PGCKA1: variants seen among roughly 807,000 people sequenced by gnomAD.
The protein encoded by PGCKA1 is PDCD10 and GCKIII kinases-associated protein 1.
At chr4:37,564,593 G>A in the PGCKA1 span, among the ~76,000 whole-genome samples, 1 of 151,918 alleles carries the variant, frequency 6.6e-6, no homozygotes, top group Non-Finnish European at 1.5e-5. Flanking sequence ...TGTAACCTCC[G>A]CCTCTTGGAT....
At chr4:37,557,317 G>C in the PGCKA1 span, among the ~76,000 whole-genome samples, 1 of 152,146 alleles carries the variant, frequency 6.6e-6, no homozygotes, top group Non-Finnish European at 1.5e-5. Flanking sequence ...CATCAGAGAA[G>C]AGGCACATTG....
the PGCKA1 span, chr4:37,590,156 A>G: frequency 1.2e-6 from 2 of 1,614,214 alleles, no homozygotes; most frequent in African/African-American, 1.3e-5. Context: ...TGCAAGCTAG[A>G]TGAAGACGAC....
the PGCKA1 span, among the ~76,000 whole-genome samples, chr4:37,485,901 G>T: frequency 0.99 from 150,017 of 152,286 alleles, 73,934 homozygotes; most frequent in Middle Eastern, 1. Context: ...CCTGAACTTG[G>T]TAGGCATGGG....
chr4:37,474,439 G>T, the PGCKA1 span, among the ~76,000 whole-genome samples: 1 of 152,080 alleles, frequency 6.6e-6, no homozygotes, highest in Non-Finnish European at 1.5e-5. Context: ...ACTTGTCAAC[G>T]TTGCCTCTCT....
the PGCKA1 span, among the ~76,000 whole-genome samples, chr4:37,587,691 C>T: frequency 6.6e-6 from 1 of 152,068 alleles, no homozygotes; most frequent in Non-Finnish European, 1.5e-5. Flanking sequence ...GCTGTAGGCC[C>T]GTCACAGTGG....
chr4:37,488,038 T>C, the PGCKA1 span, among the ~76,000 whole-genome samples: 6 of 152,304 alleles, frequency 3.9e-5, no homozygotes, highest in South Asian at 1.0e-3. Context: ...ATGTGCACTT[T>C]TGTGTAAATA....
chr4:37,532,015 T>C, the PGCKA1 span, among the ~76,000 whole-genome samples: 1 of 151,856 alleles, frequency 6.6e-6, no homozygotes, highest in African/African-American at 2.4e-5. Flanking sequence ...GTTGTGGAAA[T>C]ACTATGTAAT....
At chr4:37,593,426 CT>C in the PGCKA1 span, among the ~76,000 whole-genome samples, 1 of 152,174 alleles carries the variant, frequency 6.6e-6, no homozygotes, top group Non-Finnish European at 1.5e-5. Context: ...CTCAAGATCA[CT>C]TTGTAGTCCA....
the PGCKA1 span, among the ~76,000 whole-genome samples, chr4:37,553,404 C>CT: frequency 6.7e-4 from 92 of 137,444 alleles, no homozygotes; most frequent in Middle Eastern, 3.8e-3. Flanking sequence ...TTGTTAGTTT[C>CT]ATCTTAGAAG....
the PGCKA1 span, among the ~76,000 whole-genome samples, chr4:37,536,377 T>A: frequency 1.7e-4 from 7 of 42,004 alleles, no homozygotes; most frequent in East Asian, 2.4e-3. Flanking sequence ...AACAACAAAC[T>A]TTTTTTTTTA....
At chr4:37,572,131 C>T in the PGCKA1 span, among the ~76,000 whole-genome samples, 2 of 134,720 alleles carry the variant, frequency 1.5e-5, no homozygotes, top group South Asian at 4.9e-4. Flanking sequence ...GGCGGGATCT[C>T]GGCTCACTGC....
the PGCKA1 span, among the ~76,000 whole-genome samples, chr4:37,471,727 A>G: frequency 6.6e-6 from 1 of 152,188 alleles, no homozygotes. Flanking sequence ...GGAAGGGAGA[A>G]GGCAAGGAAG....
chr4:37,497,973 G>T, the PGCKA1 span, among the ~76,000 whole-genome samples: 1 of 151,898 alleles, frequency 6.6e-6, no homozygotes, highest in South Asian at 2.1e-4. Flanking sequence ...TGTCTAGAAG[G>T]GTTTTTGTCT....
the PGCKA1 span, among the ~76,000 whole-genome samples, chr4:37,462,235 C>G: frequency 6.6e-6 from 1 of 152,136 alleles, no homozygotes; most frequent in Admixed American, 6.5e-5. Context: ...GTTTATTAGG[C>G]CTTCCCAACA....
the PGCKA1 span, chr4:37,460,417 T>C: frequency 3.0e-6 from 1 of 328,780 alleles, no homozygotes; most frequent in Non-Finnish European, 6.0e-6. Flanking sequence ...TGCCACACTG[T>C]CTTCCACAAT....
chr4:37,563,895 T>A, the PGCKA1 span, among the ~76,000 whole-genome samples: 3 of 152,204 alleles, frequency 2.0e-5, no homozygotes, highest in Non-Finnish European at 4.4e-5. Context: ...CACGGCCCAG[T>A]TCCCATGTGG....
the PGCKA1 span, among the ~76,000 whole-genome samples, chr4:37,525,948 A>T: frequency 2.6e-5 from 4 of 152,200 alleles, no homozygotes; most frequent in African/African-American, 9.7e-5. Flanking sequence ...ACTATGTCTG[A>T]CCTTCCTGAT....
At chr4:37,584,751 G>A in the PGCKA1 span, among the ~76,000 whole-genome samples, 1 of 152,090 alleles carries the variant, frequency 6.6e-6, no homozygotes, top group African/African-American at 2.4e-5. Flanking sequence ...GAGGAGCTGG[G>A]AGTGCAAGGT....
the PGCKA1 span, among the ~76,000 whole-genome samples, chr4:37,571,739 G>A: frequency 1.4e-4 from 21 of 151,826 alleles, no homozygotes; most frequent in Middle Eastern, 3.4e-3. Context: ...GGGTTTCACC[G>A]TGTTAGCCAG....
Sources: allele counts gnomAD v4.1 joint callset (sites outside exome capture counted in the v4.1 genomes callset), GRCh38; gene constraint gnomAD v4.1.1; transcripts MANE v1.5; gene names NCBI Gene and HGNC (gene_info 2026-07-23, HGNC 2026-07-21).